Variants in PRDM1 observed in about 807,000 individuals in gnomAD.
The protein encoded by PRDM1 is PR domain zinc finger protein 1.
A neutral mutation model predicts 62.8 loss-of-function variants in PRDM1; 13 were observed. The ratio of observed to expected loss-of-function variants is 0.21; its 90% CI spans 0.13 to 0.33. The LOEUF is 0.33. Ranked by LOEUF, PRDM1 falls within the 10% of genes least tolerant of loss-of-function variation. PRDM1 has a pLI of 1.00. For missense variants in PRDM1, 895 were observed against 1,058.8 expected (o/e 0.85, Z 2.15); for synonymous variants, 396 against 417.6 (o/e 0.95, Z 0.63).
intron 1 of PRDM1, among the ~76,000 whole-genome samples, chr6:106,010,477 G>A (rs546056460): frequency 3.3e-5 from 5 of 152,118 alleles, no homozygotes; most frequent in South Asian, 2.1e-4. Context: ...GTATCAGCCC[G>A]TGCATCTAAT....
chr6:106,018,260 TA>T (rs1383691150), intron 1 of PRDM1, among the ~76,000 whole-genome samples: 21 of 152,398 alleles, frequency 1.4e-4, no homozygotes, highest in African/African-American at 3.6e-4. Context: ...GTAGTTTTGT[TA>T]ATATAATAAT....
intron 1 of PRDM1, among the ~76,000 whole-genome samples, chr6:106,000,877 G>A (rs1468980260): frequency 1.3e-5 from 2 of 152,126 alleles, no homozygotes; most frequent in Admixed American, 1.3e-4. Flanking sequence ...AGGTATAATT[G>A]TCTTTCTAGG....
intron 1 of PRDM1, among the ~76,000 whole-genome samples, chr6:106,035,227 T>C (rs573976693): frequency 2.8e-4 from 43 of 152,334 alleles, no homozygotes; most frequent in African/African-American, 9.4e-4. Flanking sequence ...GATGGTCTGT[T>C]ACTAGGTGTT....
chr6:106,087,686 C>CT (rs531649519), intron 1 of PRDM1: 19 of 232,744 alleles, frequency 8.2e-5, no homozygotes, highest in Non-Finnish European at 1.4e-4. Context: ...AAAGTTCGGT[C>CT]TTCCCCATTT....
chr6:105,993,470 A>G (rs1176627212), exon 1 of PRDM1, among the ~76,000 whole-genome samples: 2 of 152,146 alleles, frequency 1.3e-5, no homozygotes, highest in Non-Finnish European at 2.9e-5. Flanking sequence ...TCTCCTCGGG[A>G]AAGCTTAGTT....
Position 106,015,582 on chromosome 6 carries a change from G to C in PRDM1, c.-67+21943G>C, listed in dbSNP as rs202086173. 4.8e-5 allele frequency among the ~76,000 whole-genome samples: 7 copies of C among 147,368 alleles called. No individual in the cohort carries two copies. In the East Asian group the frequency reaches 1.5e-3, roughly 31 times the overall value. ...AGTAACAATGGTCTCTGGTGGACAG[G>C]TGTGGATGTAAGGGGTGGGTGGGAA... On this transcript the variant is annotated intron_variant, in intron 1 of 6. Transcript: ENST00000652320.
chr6:106,098,625 C>T (rs1435650021), intron 3 of PRDM1: 93 of 1,324,312 alleles, frequency 7.0e-5, no homozygotes, highest in Non-Finnish European at 9.0e-5. Flanking sequence ...AGTGACTTCT[C>T]AGTAATAGAC....
chr6:106,028,087 T>G (rs1772789948), intron 1 of PRDM1, among the ~76,000 whole-genome samples: 1 of 152,244 alleles, frequency 6.6e-6, no homozygotes, highest in African/African-American at 2.4e-5. Flanking sequence ...AAATATTTTT[T>G]TCTTTCATGA....
In PRDM1 at chr6:105,998,291, T is replaced by C. The variant is rs954335756; in HGVS notation, c.-67+4652T>C. Among the ~76,000 whole-genome samples the C allele has an allele frequency of 6.6e-5, 10 of 152,134 alleles. 1 individual carries two copies. Among genetic ancestry groups the C allele is most frequent in the Admixed American group, 5.9e-4 (9 of 15,276 alleles). On this transcript the variant is annotated intron_variant, in intron 1 of 6. Transcript: ENST00000652320. Reference sequence around the variant, plus strand: ...TTTAAGCTGTGAGAAGTGGCACGTGTCTGTAGTCCCAGCTACTTGGGAGGC... The same window carrying C: ...TTTAAGCTGTGAGAAGTGGCACGTGCCTGTAGTCCCAGCTACTTGGGAGGC...
Position 106,104,977 on chromosome 6 carries a change from C to T in PRDM1, c.817C>T (p.Pro273Ser), listed in dbSNP as rs746618696. 54 of 1,613,984 alleles carry T rather than the reference C, an allele frequency of 3.3e-5. No homozygotes were observed. The highest frequency in any genetic ancestry group is 4.2e-5 in the Non-Finnish European group (49 of 1,180,040). Residue 273 changes from proline (P) to serine (S), a missense_variant, in exon 5 of 7, where the codon CCC (proline) becomes TCC (serine). Pro to Ser is a moderately conservative substitution (Grantham distance 74). Coordinates refer to ENST00000369096, the MANE Select transcript of PRDM1 (RefSeq NM_001198.4). ...GGACCTCTACCGTTCTAACATTTCACCCCTCACATCAGAAAAGGACCTCGA... is the reference window on the plus strand; with the variant it reads ...GGACCTCTACCGTTCTAACATTTCATCCCTCACATCAGAAAAGGACCTCGA... ...GKDLYRSNISPLTSEKDLDDF... is the reference protein window; with the variant it reads ...GKDLYRSNISSLTSEKDLDDF...
At chr6:106,091,305 G>A (rs912234523) in intron 2 of PRDM1, among the ~76,000 whole-genome samples, 4 of 152,102 alleles carry the variant, frequency 2.6e-5, no homozygotes, top group Non-Finnish European at 4.4e-5. Context: ...CATTCTGATC[G>A]AAATCCATTA....
intron 1 of PRDM1, among the ~76,000 whole-genome samples, chr6:106,025,945 CATT>C (rs1772758235): frequency 6.6e-6 from 1 of 152,140 alleles, no homozygotes; most frequent in South Asian, 2.1e-4. Flanking sequence ...TTAAATGAAA[CATT>C]ATGAAGGCAG....
In PRDM1 at chr6:106,105,514, G is replaced by A. The variant is rs1292205687; in HGVS notation, c.1354G>A (p.Gly452Ser). The A allele has an allele frequency of 6.2e-7, 1 of 1,613,868 alleles. No homozygotes were observed. The highest frequency in any genetic ancestry group is 8.5e-7 in the Non-Finnish European group (1 of 1,179,968). ...GTGCCCTGTCTACAGCAATCTCCTC[G>A]GTGGGGGCAGCCTGCCCCACCCCAT... ...RLCPVYSNLL[G>S]GGSLPHPMLN... Residue 452 changes from glycine to serine, a missense_variant, in exon 5 of 7, where the codon GGT becomes AGT. By Grantham distance (56) the Gly-to-Ser change is moderately conservative. Around this residue, in one of 4 missense-constraint regions of PRDM1, gnomAD observed 444 missense variants for 422.7 expected, o/e 1.05. Transcript: ENST00000369096.
intron 1 of PRDM1, among the ~76,000 whole-genome samples, chr6:106,009,187 G>A (rs981495764): frequency 6.6e-6 from 1 of 152,230 alleles, no homozygotes; most frequent in African/African-American, 2.4e-5. Flanking sequence ...AAAGATGTTT[G>A]AAGCAAGGAA....
upstream of PRDM1, among the ~76,000 whole-genome samples, chr6:106,044,445 T>C (rs1211599612): frequency 6.6e-6 from 1 of 152,230 alleles, no homozygotes; most frequent in Admixed American, 6.5e-5. Flanking sequence ...TAAATCATCA[T>C]TGCAGAGTGT....
chr6:106,065,067 T>A (rs1773410738), intron 1 of PRDM1, among the ~76,000 whole-genome samples: 1 of 152,154 alleles, frequency 6.6e-6, no homozygotes, highest in East Asian at 1.9e-4. Context: ...ATCTCTGGGG[T>A]AGTTGGAGGC....
chr6:106,079,753 A>G (rs1294469323), intron 1 of PRDM1, among the ~76,000 whole-genome samples: 1 of 152,256 alleles, frequency 6.6e-6, no homozygotes, highest in Non-Finnish European at 1.5e-5. Flanking sequence ...AGCCAAGATC[A>G]TGCCATTGCA....
chr6:106,097,035 A>G (rs1445262826), intron 3 of PRDM1, among the ~76,000 whole-genome samples: 1 of 152,148 alleles, frequency 6.6e-6, no homozygotes, highest in Non-Finnish European at 1.5e-5. Flanking sequence ...GAAGTTTTTC[A>G]TTTTTAGAAA....
intron 1 of PRDM1, among the ~76,000 whole-genome samples, chr6:106,035,301 T>C (rs1390519313): frequency 6.6e-6 from 1 of 152,170 alleles, no homozygotes; most frequent in African/African-American, 2.4e-5. Flanking sequence ...AATACATCCT[T>C]CTTCGTCTCT....
Sources: allele counts gnomAD v4.1 joint callset (sites outside exome capture counted in the v4.1 genomes callset), GRCh38; gene constraint gnomAD v4.1.1; regional missense constraint gnomAD v4.1.1; transcripts MANE v1.5; gene names NCBI Gene and HGNC (gene_info 2026-07-23, HGNC 2026-07-21).